Variants in GKAP1 observed in about 807,000 individuals in gnomAD.
GKAP1 encodes G kinase anchoring protein 1.
A neutral mutation model predicts 56.7 loss-of-function variants in GKAP1; 31 were observed. The observed-to-expected ratio is 0.55, with a 90% CI of 0.41 to 0.74. The LOEUF is 0.74. Among genes scored for constraint, GKAP1 ranks in the 30% least tolerant of loss-of-function variants. The probability of loss-of-function intolerance (pLI) is 0.00; values close to 1 mark genes in which losing one functional copy is unlikely to be tolerated. For missense variants in GKAP1, 364 were observed against 402.3 expected, an observed-to-expected ratio of 0.90 and a Z score of 0.82; for synonymous variants, 151 against 138.6, an observed-to-expected ratio of 1.09 and a Z score of -0.63.
chr9:83,799,449 T>C (rs1243676927), intron 3 of GKAP1, 121 bp from the exon 4 acceptor site: 3 of 658,872 alleles, frequency 4.6e-6, no homozygotes, highest in Non-Finnish European at 7.6e-6. Flanking sequence ...CTCGTTTTGC[T>C]AACTCACACA....
At chr9:83,770,562 CTTTT>C (rs939604726) in intron 7 of GKAP1, among the ~76,000 whole-genome samples, 3 of 145,586 alleles carry the variant, frequency 2.1e-5, no homozygotes, top group Middle Eastern at 7.0e-3. Flanking sequence ...GTTTACACTG[CTTTT>C]TTTTTTTTGA....
intron 12 of GKAP1, among the ~76,000 whole-genome samples, chr9:83,741,387 CACACA>C (rs1943205987): frequency 6.7e-6 from 1 of 148,410 alleles, no homozygotes; most frequent in Non-Finnish European, 1.5e-5. Context: ...CACACACACA[CACACA>C]AAAGCACTGG....
intron 6 of GKAP1, among the ~76,000 whole-genome samples, chr9:83,781,652 G>A (rs944249846): frequency 1.2e-4 from 19 of 152,118 alleles, no homozygotes; most frequent in Admixed American, 2.6e-4. Context: ...TTAGCATACA[G>A]TGATGCCAGA....
intron 8 of GKAP1, among the ~76,000 whole-genome samples, chr9:83,759,613 T>G (rs1455540465): frequency 6.6e-6 from 1 of 152,160 alleles, no homozygotes; most frequent in Non-Finnish European, 1.5e-5. Context: ...TTTTGAACAT[T>G]TTTTTTGGAC....
At chr9:83,777,702 T>C (rs898016277) in intron 7 of GKAP1, among the ~76,000 whole-genome samples, 1 of 151,870 alleles carries the variant, frequency 6.6e-6, no homozygotes, top group African/African-American at 2.4e-5. Flanking sequence ...AACTTAAGAG[T>C]AGCCATGAAA....
At chr9:83,787,545 A>G (rs114637687) in intron 5 of GKAP1, among the ~76,000 whole-genome samples, 4 of 152,316 alleles carry the variant, frequency 2.6e-5, no homozygotes, top group African/African-American at 9.6e-5. Flanking sequence ...CATTTTGGAT[A>G]AAGACACTAA....
chr9:83,745,807 T>C (rs1426108882), intron 10 of GKAP1, among the ~76,000 whole-genome samples: 1 of 152,130 alleles, frequency 6.6e-6, no homozygotes, highest in East Asian at 1.9e-4. Context: ...TTTTTTTTTT[T>C]TGAGACAAAG....
At position 83,808,454 on chromosome 9, in the gene GKAP1, G is replaced by A. The variant is rs368462866; in HGVS notation, c.-43-1894C>T. ...CTACTAAAAATACAAAAAATTAGCC[G>A]GGCATAGTGATGCATGCCTGTAATC... On this transcript the variant is annotated intron_variant, in intron 2 of 12. Coordinates refer to ENST00000376371, the MANE Select transcript of GKAP1 (RefSeq NM_025211.4). Among the ~76,000 whole-genome samples, 54 of 152,024 alleles carry A rather than the reference G, an allele frequency of 3.6e-4. 3 individuals are homozygous for A. The South Asian group carries it at 0.01, about 29-fold the overall frequency.
rs527549486 is a variant in GKAP1, at chr9:83,767,835, T to G, written c.738+983A>C. Among the ~76,000 whole-genome samples the G allele has an allele frequency of 1.6e-4, 25 of 152,184 alleles. No homozygotes were observed. The South Asian group carries it at 5.2e-3, about 32-fold the overall frequency. On this transcript the variant is annotated intron_variant, in intron 8 of 12. Coordinates refer to ENST00000376371, the MANE Select transcript of GKAP1 (RefSeq NM_025211.4). ...CCACGTAGCTGAGATTATAGGCATG[T>G]GCCACCATGCTTGGCTAATTTTTGT...
At position 83,752,931 on chromosome 9, in the gene GKAP1, C is replaced by T. The variant is rs182413259; in HGVS notation, c.840+327G>A. 3.3e-5 allele frequency among the ~76,000 whole-genome samples: 5 copies of T among 151,970 alleles called. No homozygotes were observed. In the South Asian group the frequency reaches 8.3e-4, roughly 25 times the overall value. ...ACTAAAAATACAAAAATTAGCCGGGCGTGGTGGCTCATGCTTGTAATCCCA... is the reference window on the plus strand; with the variant it reads ...ACTAAAAATACAAAAATTAGCCGGGTGTGGTGGCTCATGCTTGTAATCCCA... On this transcript the variant is annotated intron_variant, in intron 9 of 12. Coordinates refer to ENST00000376371, the MANE Select transcript of GKAP1 (RefSeq NM_025211.4).
In GKAP1 at chr9:83,749,837, A is replaced by G. The variant is rs769469773; in HGVS notation, c.841-1465T>C. On this transcript the variant is annotated intron_variant, in intron 9 of 12. Coordinates refer to ENST00000376371, the MANE Select transcript of GKAP1 (RefSeq NM_025211.4). The stretch of plus-strand genomic sequence containing the variant: ...ATACAATAAACTGAAGTAAAGCACC[A>G]TACTGAATATAAACGTAGAAAGACT... Among the ~76,000 whole-genome samples the G allele has an allele frequency of 1.1e-3, 161 of 152,336 alleles. 1 individual carries two copies. The highest frequency in any genetic ancestry group is 1.8e-3 in the Admixed American group (28 of 15,314).
intron 8 of GKAP1, among the ~76,000 whole-genome samples, chr9:83,765,144 T>C (rs1370040796): frequency 2.6e-5 from 4 of 152,194 alleles, no homozygotes; most frequent in African/African-American, 9.6e-5. Flanking sequence ...GTGCCCTGTG[T>C]CCCAGCTGCT....
chr9:83,755,768 G>C (rs1479880686), intron 8 of GKAP1, among the ~76,000 whole-genome samples: 2 of 146,758 alleles, frequency 1.4e-5, no homozygotes, highest in African/African-American at 5.0e-5. Flanking sequence ...AATCTCACTA[G>C]TAAGCAAATC....
intron 5 of GKAP1, among the ~76,000 whole-genome samples, chr9:83,787,157 CATATA>C (rs1944078675): frequency 6.6e-6 from 1 of 152,214 alleles, no homozygotes; most frequent in African/African-American, 2.4e-5. Flanking sequence ...AAATGAAACA[CATATA>C]ATATATACAG....
intron 10 of GKAP1, among the ~76,000 whole-genome samples, chr9:83,744,133 A>G (rs1943252204): frequency 2.0e-5 from 3 of 152,192 alleles, no homozygotes; most frequent in South Asian, 4.1e-4. Context: ...TTTACAAATT[A>G]TGCTTTCTAC....
intron 7 of GKAP1, 24 bp downstream of exon 7, chr9:83,780,358 C>T (rs771732099): frequency 7.9e-7 from 1 of 1,265,280 alleles, no homozygotes; most frequent in Non-Finnish European, 1.1e-6. Flanking sequence ...GTGTTTTCTA[C>T]AAGATGGCTA....
chr9:83,741,951 C>T lies in GKAP1; in HGVS notation c.1053+1G>A, dbSNP rs1452779942. 6.5e-7 allele frequency: 1 copy of T among 1,541,842 alleles called. No individual in the cohort carries two copies. Among genetic ancestry groups the T allele is most frequent in the Non-Finnish European group, 8.9e-7 (1 of 1,123,366 alleles). On this transcript the variant is annotated splice_donor_variant, in intron 12 of 12. Transcript: ENST00000376371. LOFTEE classifies it high-confidence loss of function. Reference sequence around the variant, plus strand: ...AACACTTATAAATTATAAAAGCATACCTGGTATTTGGCTAACTCTGCTTGT... The same window carrying T: ...AACACTTATAAATTATAAAAGCATATCTGGTATTTGGCTAACTCTGCTTGT...
At chr9:83,756,470 C>CA (rs142896755) in intron 8 of GKAP1, among the ~76,000 whole-genome samples, 933 of 75,256 alleles carry the variant, frequency 0.012, 17 homozygotes, top group African/African-American at 0.034. Flanking sequence ...GACTCCATCT[C>CA]AAAAAAAAAA....
chr9:83,782,536 TTAG>T (rs1414764742), intron 6 of GKAP1, among the ~76,000 whole-genome samples: 1 of 151,324 alleles, frequency 6.6e-6, no homozygotes, highest in East Asian at 1.9e-4. Context: ...TTTTTTGTAT[TTAG>T]TAGAGATGGG....
Sources: gnomAD v4.1 joint callset for allele counts (sites outside exome capture counted in the v4.1 genomes callset) on GRCh38, gnomAD v4.1.1 for gene constraint, MANE v1.5 for transcripts, NCBI Gene and HGNC (gene_info 2026-07-23, HGNC 2026-07-21) for gene names.